Variants in CD164 observed in about 807,000 individuals in gnomAD.
The protein encoded by CD164 is CD164 molecule.
A neutral mutation model predicts 24.6 loss-of-function variants in CD164; 11 were observed. The observed-to-expected ratio is 0.45, with a 90% CI of 0.28 to 0.74. The LOEUF is 0.74. Ranked by LOEUF, CD164 falls within the 30% of genes least tolerant of loss-of-function variation. The pLI, the probability that CD164 is intolerant of heterozygous loss-of-function variation, is 0.13. For synonymous variants in CD164, 126 were observed against 100.3 expected (o/e 1.26, Z -1.53); for missense variants, 295 against 243.7 (o/e 1.21, Z -1.40).
rs773985578 is a variant in CD164 at position 109,377,978 on chromosome 6, G to C, written c.260-7C>G. 1 of 1,611,332 alleles carries C rather than the reference G, an allele frequency of 6.2e-7. No homozygotes were observed. Among genetic ancestry groups the C allele is most frequent in the South Asian group, 1.1e-5 (1 of 91,022 alleles). ...TGTGAACAATAGCTCTCATCTGTTG[G>C]GGGGCAGGGGAAAAGAGACAAACAG... is the stretch of plus-strand genomic sequence containing the variant. On this transcript the variant is annotated splice_polypyrimidine_tract_variant and splice_region_variant and intron_variant, in intron 2 of 5. Transcript: ENST00000310786.
intron 3 of CD164, among the ~76,000 whole-genome samples, chr6:109,377,360 C>G (rs1238959629): frequency 6.6e-6 from 1 of 152,156 alleles, no homozygotes; most frequent in Non-Finnish European, 1.5e-5. Flanking sequence ...GCCTTTCCCA[C>G]TGATTTACAA....
chr6:109,382,070 G>C, intron 1 of CD164, 134 bp downstream of exon 1: 1 of 712,956 alleles, frequency 1.4e-6, no homozygotes, highest in South Asian at 5.7e-5. Flanking sequence ...CATGTTGCCG[G>C]AGTCGCCGCC....
chr6:109,370,639 T>C (rs1051716723), intron 4 of CD164, 172 bp from the exon 5 acceptor site: 9 of 554,026 alleles, frequency 1.6e-5, no homozygotes, highest in African/African-American at 5.7e-5. Context: ...CCAAGAATAC[T>C]AGGATTTAAG....
chr6:109,381,703 G>T, intron 1 of CD164: 1 of 637,074 alleles, frequency 1.6e-6, no homozygotes, highest in Non-Finnish European at 2.8e-6. Flanking sequence ...ACACGAACGA[G>T]CATTACCGTC....
chr6:109,381,651 T>C lies in CD164; in HGVS notation c.175+553A>G, dbSNP rs534064908. The C allele has an allele frequency of 1.9e-4, 133 of 697,798 alleles. No homozygotes were observed. In the African/African-American group the frequency reaches 2.1e-3, roughly 11 times the overall value. 43.2% of individuals were successfully genotyped at this position (697,798 alleles called of 1,614,324 possible). On this transcript the variant is annotated intron_variant, in intron 1 of 5. Coordinates refer to ENST00000310786, the MANE Select transcript of CD164 (RefSeq NM_006016.6). The stretch of plus-strand genomic sequence containing the variant: ...ATTCTATTCCTATCTGCAAAACCAA[T>C]GTAATTAAATCTCAAGCGACCTTCT...
At chr6:109,378,445 A>G (rs1014174017) in intron 2 of CD164, among the ~76,000 whole-genome samples, 36 of 67,002 alleles carry the variant, frequency 5.4e-4, no homozygotes, top group African/African-American at 1.3e-3. Flanking sequence ...TGTCTCAGGG[A>G]AAAAAAAAAA....
rs1424383086 is a variant in CD164, at chr6:109,368,224, T to C, written c.*627A>G. ...ACTGTTCTTTATATTCTCAATGACA[T>C]AAGATGCTTTACAAGTATGAACAAT... On this transcript the variant is annotated 3_prime_UTR_variant, in exon 6 of 6. Transcript: ENST00000310786. 6.9e-7 allele frequency: 1 copy of C among 1,458,056 alleles called. No homozygotes were observed. Among genetic ancestry groups the C allele is most frequent in the Non-Finnish European group, 9.3e-7 (1 of 1,080,646 alleles). 90.3% of individuals were successfully genotyped at this position (1,458,056 alleles called of 1,614,324 possible).
rs1434393010 is a variant in CD164, at chr6:109,366,820, G to A, written c.*2031C>T. On this transcript the variant is annotated 3_prime_UTR_variant, in exon 6 of 6. Coordinates refer to ENST00000310786, the MANE Select transcript of CD164 (RefSeq NM_006016.6). ...AAAAAGGCTGTGAGTTCTGTTGCAA[G>A]AGCTCATTTGTAGACTTGCAAAATC... 6.6e-6 allele frequency: 1 copy of A among 152,578 alleles called. No homozygotes were observed. Among genetic ancestry groups the A allele is most frequent in the Admixed American group, 6.5e-5 (1 of 15,288 alleles). 9.5% of individuals were successfully genotyped at this position (152,578 alleles called of 1,614,324 possible).
intron 4 of CD164, among the ~76,000 whole-genome samples, chr6:109,373,287 T>C (rs1342429713): frequency 6.6e-6 from 1 of 152,226 alleles, no homozygotes; most frequent in Non-Finnish European, 1.5e-5. Flanking sequence ...CTATTATTTG[T>C]ACTGAAGGAG....
chr6:109,381,212 T>A (rs1771718803), intron 1 of CD164, among the ~76,000 whole-genome samples: 1 of 152,188 alleles, frequency 6.6e-6, no homozygotes, highest in Non-Finnish European at 1.5e-5. Flanking sequence ...TTATCTTCCT[T>A]CTCTCTTTTG....
intron 5 of CD164, among the ~76,000 whole-genome samples, chr6:109,369,716 T>C (rs1770974198): frequency 1.3e-5 from 2 of 152,320 alleles, no homozygotes; most frequent in South Asian, 4.1e-4. Context: ...AACTGTTTTG[T>C]ATTCCTTCTC....
rs1486487526 is a variant in CD164 at position 109,367,808 on chromosome 6, A to C, written c.*1043T>G. 6.5e-6 allele frequency: 1 copy of C among 152,696 alleles called. No individual in the cohort carries two copies. Among genetic ancestry groups the C allele is most frequent in the African/African-American group, 2.4e-5 (1 of 41,468 alleles). The allele number at this position is 152,696 out of a possible 1,614,324, so 9.5% of individuals were successfully genotyped here. On this transcript the variant is annotated 3_prime_UTR_variant, in exon 6 of 6. Coordinates refer to ENST00000310786, the MANE Select transcript of CD164 (RefSeq NM_006016.6). ...TTTAAATAGTAAATGATTCTAAAAT[A>C]ATGTATATCCTTCTTGCCTCACCAA...
intron 4 of CD164, chr6:109,370,732 A>G: frequency 3.0e-6 from 1 of 333,938 alleles, no homozygotes; most frequent in Non-Finnish European, 5.5e-6. Context: ...ACATCTGGAT[A>G]AAATTTGCGA....
chr6:109,374,914 G>A (rs1771309377), intron 4 of CD164, among the ~76,000 whole-genome samples: 1 of 152,146 alleles, frequency 6.6e-6, no homozygotes, highest in Admixed American at 6.5e-5. Flanking sequence ...AATACGCTGT[G>A]CTCACTGAGA....
intron 1 of CD164, among the ~76,000 whole-genome samples, chr6:109,381,068 T>C (rs1402327207): frequency 6.6e-6 from 1 of 152,222 alleles, no homozygotes; most frequent in African/African-American, 2.4e-5. Flanking sequence ...TCATTACACT[T>C]CGGCATTCTT....
intron 1 of CD164, chr6:109,381,551 A>T (rs1298698425): frequency 1.4e-6 from 1 of 702,456 alleles, no homozygotes. Context: ...CGGTACATAC[A>T]TGGGTACTTT....
intron 1 of CD164, chr6:109,381,837 C>CCGGCCCCATCCT: frequency 1.9e-6 from 1 of 536,790 alleles, no homozygotes; most frequent in Non-Finnish European, 3.3e-6. Flanking sequence ...GGCGCGACGC[C>CCGGCCCCATCCT]CGGCCCCATC....
At chr6:109,377,476 G>T (rs1441671592) in intron 3 of CD164, among the ~76,000 whole-genome samples, 15 of 152,048 alleles carry the variant, frequency 9.9e-5, no homozygotes, top group Non-Finnish European at 2.2e-4. Flanking sequence ...TACAGAAAAT[G>T]GATGGGTATA....
intron 2 of CD164, among the ~76,000 whole-genome samples, chr6:109,379,341 TAAA>T (rs1771603504): frequency 6.6e-6 from 1 of 151,588 alleles, no homozygotes; most frequent in East Asian, 2.0e-4. Flanking sequence ...CTCCATCTCA[TAAA>T]AAACAAACGA....
Sources: gnomAD v4.1 joint callset for allele counts (sites outside exome capture counted in the v4.1 genomes callset) on GRCh38, gnomAD v4.1.1 for gene constraint, MANE v1.5 for transcripts, NCBI Gene and HGNC (gene_info 2026-07-23, HGNC 2026-07-21) for gene names.